BLK: variants seen among roughly 807,000 people sequenced by gnomAD.
The protein encoded by BLK is BLK proto-oncogene, Src family tyrosine kinase.
A neutral mutation model predicts 61.8 loss-of-function variants in BLK; 64 were observed. The ratio of observed to expected loss-of-function variants is 1.03; its 90% confidence interval spans 0.85 to 1.27. The LOEUF (loss-of-function observed/expected upper bound fraction) is 1.27, where lower values mean the gene tolerates loss of function less well. BLK is among the 50% of genes most tolerant of loss of function. BLK has a pLI of 0.00. For missense variants in BLK, 853 were observed against 660.5 expected (o/e 1.29, Z -3.19); for synonymous variants, 351 against 272.0 (o/e 1.29, Z -2.86).
intron 1 of BLK, among the ~76,000 whole-genome samples, chr8:11,525,448 A>T (rs563240996): frequency 6.6e-6 from 1 of 151,338 alleles, no homozygotes; most frequent in African/African-American, 2.4e-5. Flanking sequence ...TTTAAATTTC[A>T]CACAAGCAGG....
chr8:11,544,102 A>C (rs1585389068), intron 2 of BLK, among the ~76,000 whole-genome samples: 1 of 152,112 alleles, frequency 6.6e-6, no homozygotes, highest in East Asian at 1.9e-4. Flanking sequence ...AGCTGGAATC[A>C]CAGGCACACA....
At chr8:11,518,197 C>T (rs918111301) in intron 1 of BLK, among the ~76,000 whole-genome samples, 33 of 152,150 alleles carry the variant, frequency 2.2e-4, no homozygotes, top group African/African-American at 6.8e-4. Flanking sequence ...CTTGGCTTGG[C>T]GGTCTTTCCC....
chr8:11,510,360 C>A (rs532755544), intron 1 of BLK, among the ~76,000 whole-genome samples: 1 of 152,276 alleles, frequency 6.6e-6, no homozygotes, highest in African/African-American at 2.4e-5. Context: ...AGACTTTCCT[C>A]TCTGTGAAAT....
At chr8:11,532,445 A>C (rs1799928972) in intron 1 of BLK, among the ~76,000 whole-genome samples, 1 of 151,412 alleles carries the variant, frequency 6.6e-6, no homozygotes, top group Non-Finnish European at 1.5e-5. Flanking sequence ...TCCTGAGCTC[A>C]AATGATCCTC....
chr8:11,560,983 C>A (rs1260827081), intron 10 of BLK: 2 of 545,132 alleles, frequency 3.7e-6, no homozygotes, highest in African/African-American at 3.7e-5. Context: ...CTTCTCCCTC[C>A]CTCTCCTTTT....
chr8:11,545,925 C>T (rs1800613404), intron 2 of BLK, 127 bp from the exon 3 acceptor site: 1 of 966,944 alleles, frequency 1.0e-6, no homozygotes, highest in Non-Finnish European at 1.7e-6. Context: ...CCCCCACAGG[C>T]AGCTGCCTCT....
At chr8:11,514,515 T>C (rs1002599292) in intron 1 of BLK, among the ~76,000 whole-genome samples, 34 of 152,286 alleles carry the variant, frequency 2.2e-4, no homozygotes, top group African/African-American at 8.2e-4. Context: ...CACGCTGAGC[T>C]CTGAGCAGTG....
intron 1 of BLK, among the ~76,000 whole-genome samples, chr8:11,519,128 C>A (rs1398559741): frequency 1.3e-5 from 2 of 152,194 alleles, no homozygotes; most frequent in African/African-American, 4.8e-5. Context: ...CTCCACGGAG[C>A]AGGAGCTGCC....
intron 1 of BLK, among the ~76,000 whole-genome samples, chr8:11,532,539 AT>A (rs1209861234): frequency 6.6e-6 from 1 of 151,394 alleles, no homozygotes; most frequent in African/African-American, 2.4e-5. Context: ...CAGATATTGT[AT>A]TTTTTTTAAT....
intron 1 of BLK, among the ~76,000 whole-genome samples, chr8:11,520,725 A>G (rs1317570081): frequency 6.6e-6 from 1 of 152,044 alleles, no homozygotes; most frequent in Non-Finnish European, 1.5e-5. Flanking sequence ...CAACAAGAAA[A>G]GGTAATACAA....
intron 10 of BLK, among the ~76,000 whole-genome samples, chr8:11,559,392 GACAGACAC>G (rs1257472841): frequency 1.2e-5 from 1 of 86,312 alleles, no homozygotes; most frequent in Non-Finnish European, 2.8e-5. Context: ...CTCACACACA[GACAGACAC>G]ACACACAGAC....
chr8:11,539,763 A>T (rs1311320583), intron 1 of BLK, among the ~76,000 whole-genome samples: 17 of 152,258 alleles, frequency 1.1e-4, no homozygotes, highest in Admixed American at 1.0e-3. Context: ...CTCACAGAAG[A>T]TTAATCCTAG....
At chr8:11,507,380 A>C (rs746060221) in intron 1 of BLK, among the ~76,000 whole-genome samples, 3 of 152,164 alleles carry the variant, frequency 2.0e-5, no homozygotes, top group Non-Finnish European at 4.4e-5. Flanking sequence ...GGCCTGGACC[A>C]CCATGTAGAT....
At chr8:11,529,610 C>T (rs1353649333) in intron 1 of BLK, among the ~76,000 whole-genome samples, 1 of 152,132 alleles carries the variant, frequency 6.6e-6, no homozygotes, top group East Asian at 1.9e-4. Flanking sequence ...AATTTCTAAT[C>T]CTGTGGCTAA....
chr8:11,539,879 A>G (rs984267416), intron 1 of BLK, among the ~76,000 whole-genome samples: 2 of 152,176 alleles, frequency 1.3e-5, no homozygotes, highest in East Asian at 1.9e-4. Context: ...ACATTTTTCT[A>G]TTGAATGAAT....
Position 11,513,548 on chromosome 8 carries a change from C to T in BLK, c.-2+18957C>T, listed in dbSNP as rs1407357770. ...CCTAAATCTGCGATGCAATCATAGC[C>T]CCTGAATGTTAGGGCTGGAGGCAAC... On this transcript the variant is annotated intron_variant, in intron 1 of 12. Coordinates refer to ENST00000259089, the MANE Select transcript of BLK (RefSeq NM_001715.3). Among the ~76,000 whole-genome samples, 22 of 152,166 alleles carry T rather than the reference C, an allele frequency of 1.4e-4. 1 individual carries two copies. The highest frequency in any genetic ancestry group is 1.4e-3 in the Admixed American group (22 of 15,286).
Position 11,526,627 on chromosome 8 carries a change from G to C in BLK, c.-1-16597G>C, listed in dbSNP as rs572014739. On this transcript the variant is annotated intron_variant, in intron 1 of 12. Coordinates refer to ENST00000259089, the MANE Select transcript of BLK (RefSeq NM_001715.3). ...CCAGCTACTTGGGAGGCTAAGGCAGGAGGATCACGTGAACCTGGGAGGTGG... is the reference window on the plus strand; with the variant it reads ...CCAGCTACTTGGGAGGCTAAGGCAGCAGGATCACGTGAACCTGGGAGGTGG... Among the ~76,000 whole-genome samples, 364 of 152,344 alleles carry C rather than the reference G, an allele frequency of 2.4e-3. 1 individual carries two copies. Among genetic ancestry groups the C allele is most frequent in the Middle Eastern group, 6.8e-3 (2 of 294 alleles).
At chr8:11,561,248 G>T (rs189980189) in intron 10 of BLK, 54 bp from the exon 11 acceptor site, 3 of 1,588,416 alleles carry the variant, frequency 1.9e-6, no homozygotes, top group African/African-American at 2.7e-5. Context: ...GTGTGGGCTC[G>T]GTCTTGGCGT....
chr8:11,539,880 T>C (rs1351876280), intron 1 of BLK, among the ~76,000 whole-genome samples: 3 of 152,234 alleles, frequency 2.0e-5, no homozygotes, highest in African/African-American at 4.8e-5. Flanking sequence ...CATTTTTCTA[T>C]TGAATGAATT....
Sources: allele counts gnomAD v4.1 joint callset (sites outside exome capture counted in the v4.1 genomes callset), GRCh38; gene constraint gnomAD v4.1.1; transcripts MANE v1.5; gene names NCBI Gene and HGNC (gene_info 2026-07-23, HGNC 2026-07-21).